KIAA0319L: variants seen among roughly 807,000 people sequenced by gnomAD.
KIAA0319L encodes the protein KIAA0319 like.
A neutral mutation model predicts 120.1 loss-of-function variants in KIAA0319L; 55 were observed. The ratio of observed to expected loss-of-function variants is 0.46; its 90% CI spans 0.37 to 0.57. The LOEUF is 0.57. Ranked by LOEUF, KIAA0319L falls within the 20% of genes least tolerant of loss-of-function variation. The probability of loss-of-function intolerance (pLI) is 0.00; values close to 1 mark genes in which losing one functional copy is unlikely to be tolerated. For synonymous variants in KIAA0319L, 398 were observed against 471.9 expected, an observed-to-expected ratio of 0.84 and a Z score of 2.03; for missense variants, 1,049 against 1,255.3, an observed-to-expected ratio of 0.84 and a Z score of 2.48.
intron 10 of KIAA0319L, among the ~76,000 whole-genome samples, chr1:35,455,646 T>C (rs903804590): frequency 6.7e-6 from 1 of 149,000 alleles, no homozygotes; most frequent in Non-Finnish European, 1.5e-5. Flanking sequence ...AATGGCGTGA[T>C]CTCGGCTCAC....
chr1:35,470,323 T>A (rs1341386347), intron 6 of KIAA0319L, among the ~76,000 whole-genome samples: 1 of 151,530 alleles, frequency 6.6e-6, no homozygotes, highest in Non-Finnish European at 1.5e-5. Flanking sequence ...TGAGACTCTA[T>A]CTCTATAAAA....
At position 35,538,162 on chromosome 1, in the gene KIAA0319L, T is replaced by C. The variant is rs368605113; in HGVS notation, c.142+16188A>G. Reference sequence around the variant, plus strand: ...TGCCTCCATAGTGTGACCTCTCTAATGGCAGGAACTTGGTTTTATTTAGCC... The same window carrying C: ...TGCCTCCATAGTGTGACCTCTCTAACGGCAGGAACTTGGTTTTATTTAGCC... On this transcript the variant is annotated intron_variant, in intron 2 of 20. Transcript: ENST00000325722. 3.3e-3 allele frequency among the ~76,000 whole-genome samples: 508 copies of C among 152,312 alleles called. 2 individuals are homozygous for C. Among genetic ancestry groups the C allele is most frequent in the Non-Finnish European group, 4.6e-3 (316 of 68,024 alleles).
intron 3 of KIAA0319L, among the ~76,000 whole-genome samples, chr1:35,491,207 T>C (rs976594700): frequency 2.0e-5 from 3 of 152,048 alleles, no homozygotes; most frequent in African/African-American, 7.2e-5. Context: ...GAAAAAAGAC[T>C]GAAAATAAAC....
chr1:35,452,222 G>C (rs986314730), intron 12 of KIAA0319L, among the ~76,000 whole-genome samples: 2 of 152,230 alleles, frequency 1.3e-5, no homozygotes, highest in African/African-American at 4.8e-5. Flanking sequence ...TGAAAGAAAA[G>C]GAAATGGGGC....
intron 20 of KIAA0319L, 54 bp downstream of exon 20, chr1:35,440,993 C>T (rs1266836893): frequency 1.5e-6 from 2 of 1,369,678 alleles, no homozygotes; most frequent in Non-Finnish European, 2.1e-6. Context: ...GTGACAGCAG[C>T]CTTCCACAGA....
At chr1:35,551,511 G>A (rs1035694934) in intron 2 of KIAA0319L, among the ~76,000 whole-genome samples, 13 of 152,048 alleles carry the variant, frequency 8.5e-5, no homozygotes, top group Admixed American at 4.6e-4. Context: ...TAGAGACGGC[G>A]TTTCACTATG....
Position 35,448,207 on chromosome 1 carries a change from T to C in KIAA0319L, c.2479A>G (p.Ile827Val), listed in dbSNP as rs200635190. ...VLLGVLDSDIIVQKIQPYTEQ... is the reference protein window; with the variant it reads ...VLLGVLDSDIVVQKIQPYTEQ... ...GTGTACGGCTGAATCTTTTGCACAA[T>C]GATGTCGGAATCCAGCACCCCCAGG... Residue 827 changes from isoleucine to valine, a missense_variant, in exon 16 of 21, where the codon ATT (isoleucine) becomes GTT (valine). Coordinates refer to ENST00000325722, the MANE Select transcript of KIAA0319L (RefSeq NM_024874.5). 5.0e-5 allele frequency: 81 copies of C among 1,613,902 alleles called. No individual in the cohort carries two copies. Among genetic ancestry groups the C allele is most frequent in the Non-Finnish European group, 6.4e-5 (76 of 1,179,912 alleles).
intron 4 of KIAA0319L, among the ~76,000 whole-genome samples, chr1:35,476,003 G>A (rs952634873): frequency 6.6e-6 from 1 of 152,148 alleles, no homozygotes; most frequent in African/African-American, 2.4e-5. Flanking sequence ...TTTGTTTCTA[G>A]CTTAAAGTCT....
rs1570579765 is a variant in KIAA0319L, at chr1:35,433,795, G to C, written c.*1099C>G. On this transcript the variant is annotated 3_prime_UTR_variant, in exon 21 of 21. Coordinates refer to ENST00000325722, the MANE Select transcript of KIAA0319L (RefSeq NM_024874.5). ...CACATACAGATGGAGGGACAGAGAG[G>C]GGACCACAGCGGGGCCATCGCACAC... is the stretch of plus-strand genomic sequence containing the variant. 6.6e-6 allele frequency: 1 copy of C among 152,654 alleles called. No homozygotes were observed. The highest frequency in any genetic ancestry group is 2.4e-5 in the African/African-American group (1 of 41,474). The allele number at this position is 152,654 out of a possible 1,614,324, so 9.5% of individuals were successfully genotyped here. A position where few individuals can be genotyped will look rare whatever the true frequency, so the allele number is the denominator to read the frequency against.
chr1:35,477,592 A>G (rs375690940), intron 4 of KIAA0319L, among the ~76,000 whole-genome samples: 89 of 148,492 alleles, frequency 6.0e-4, no homozygotes, highest in African/African-American at 1.5e-3. Flanking sequence ...GCATGAACCC[A>G]GGAGGCGCAG....
chr1:35,470,866 C>G lies in KIAA0319L; in HGVS notation c.1110G>C (p.Ser370=), dbSNP rs1235625087. 1.2e-6 allele frequency: 2 copies of G among 1,603,600 alleles called. No homozygotes were observed. Among genetic ancestry groups the G allele is most frequent in the Non-Finnish European group, 8.5e-7 (1 of 1,170,440 alleles). Residue 370 remains serine, a synonymous_variant, in exon 6 of 21, where the codon TCG becomes TCC. Coordinates refer to ENST00000325722, the MANE Select transcript of KIAA0319L (RefSeq NM_024874.5). The part of the protein sequence containing the change: ...EGKHSQILKL[S]KLTPGLYEFK... ...AAGTGAAAGGAGGCAAATTCACCTTCGATAGTTTGAGGATCTGGGAATGTT... is the reference window on the plus strand; with the variant it reads ...AAGTGAAAGGAGGCAAATTCACCTTGGATAGTTTGAGGATCTGGGAATGTT...
intron 12 of KIAA0319L, among the ~76,000 whole-genome samples, chr1:35,452,674 A>C (rs553688873): frequency 8.7e-4 from 132 of 152,344 alleles, no homozygotes; most frequent in African/African-American, 3.1e-3. Flanking sequence ...TTATAATTAA[A>C]AACACCCTGG....
chr1:35,504,240 A>G (rs747077494), intron 3 of KIAA0319L, among the ~76,000 whole-genome samples: 3 of 151,170 alleles, frequency 2.0e-5, no homozygotes, highest in Non-Finnish European at 4.4e-5. Flanking sequence ...TCTGTTGCCC[A>G]GGCTGGAGTG....
chr1:35,498,015 T>C (rs1461134904), intron 3 of KIAA0319L, among the ~76,000 whole-genome samples: 2 of 152,174 alleles, frequency 1.3e-5, no homozygotes, highest in African/African-American at 2.4e-5. Flanking sequence ...ACAGGAGACA[T>C]GGAACAAATT....
At position 35,454,675 on chromosome 1, in the gene KIAA0319L, C is replaced by G. The variant is rs1430537943; in HGVS notation, c.1657-190G>C. On this transcript the variant is annotated intron_variant, in intron 10 of 20. Transcript: ENST00000325722. ...ATGAGGCACCTTGCTAAGGGTTTCC[C>G]CCTTCAAGGAAACAACCCTCTCTGA... The G allele has an allele frequency of 7.3e-6, 10 of 1,365,166 alleles. No individual in the cohort carries two copies. The Middle Eastern group carries it at 7.5e-4, about 102-fold the overall frequency. The allele number at this position is 1,365,166 out of a possible 1,614,324, so 84.6% of individuals were successfully genotyped here. A position where few individuals can be genotyped will look rare whatever the true frequency, so the allele number is the denominator to read the frequency against.
intron 2 of KIAA0319L, among the ~76,000 whole-genome samples, chr1:35,537,761 G>C (rs1646639433): frequency 6.6e-6 from 1 of 152,036 alleles, no homozygotes; most frequent in African/African-American, 2.4e-5. Context: ...TTTCTCATCT[G>C]TGTGTAAATG....
At chr1:35,463,868 G>C (rs905166320) in intron 7 of KIAA0319L, among the ~76,000 whole-genome samples, 1 of 152,132 alleles carries the variant, frequency 6.6e-6, no homozygotes, top group Non-Finnish European at 1.5e-5. Context: ...CTGTTCTCAT[G>C]ATAGTGAATG....
upstream of KIAA0319L, chr1:35,557,613 C>T: frequency 4.4e-6 from 2 of 451,052 alleles, no homozygotes; most frequent in Non-Finnish European, 8.9e-6. Context: ...CTGCACCTTG[C>T]CTCCTTCGCT....
chr1:35,528,823 G>A (rs1005920519), intron 2 of KIAA0319L, among the ~76,000 whole-genome samples: 2 of 152,132 alleles, frequency 1.3e-5, no homozygotes, highest in Admixed American at 6.6e-5. Flanking sequence ...ATATCCTATT[G>A]CTGAATGGAT....
Sources: gnomAD v4.1 joint callset for allele counts (sites outside exome capture counted in the v4.1 genomes callset) on GRCh38, gnomAD v4.1.1 for gene constraint, MANE v1.5 for transcripts, NCBI Gene and HGNC (gene_info 2026-07-23, HGNC 2026-07-21) for gene names.